Variants in AFF2 observed in about 807,000 individuals in gnomAD.
AFF2 encodes the protein ALF transcription elongation factor 2.
A neutral mutation model predicts 76.9 loss-of-function variants in AFF2; 14 were observed. The observed-to-expected ratio is 0.18, with a 90% CI of 0.12 to 0.28. The LOEUF (loss-of-function observed/expected upper bound fraction) is 0.28. Ranked by LOEUF, AFF2 falls within the 10% of genes least tolerant of loss-of-function variation. AFF2 has a pLI of 1.00. For synonymous variants in AFF2, 398 were observed against 366.7 expected, an observed-to-expected ratio of 1.09 and a Z score of -0.98; for missense variants, 868 against 1,001.1, an observed-to-expected ratio of 0.87 and a Z score of 1.79.
intron 4 of AFF2, among the ~76,000 whole-genome samples, chrX:148,833,078 G>T (rs782646155): frequency 9.0e-6 from 1 of 110,780 alleles, no homozygotes; most frequent in Admixed American, 9.7e-5. Flanking sequence ...CAAGTATAAT[G>T]ATAGCCTGTA....
At chrX:148,927,073 T>C (rs1201780923) in intron 9 of AFF2, among the ~76,000 whole-genome samples, 1 of 112,361 alleles carries the variant, frequency 8.9e-6, no homozygotes, top group Non-Finnish European at 1.9e-5. Context: ...GGTGCCACTC[T>C]GAGTAATGTT....
chrX:148,655,285 C>CTTTTTTTT lies in AFF2; in HGVS notation c.180+3162_180+3169dup, dbSNP rs781858368. ...CTTCCTGATGGGGAAAAACCTTGTC[C>CTTTTTTTT]TTTTTTTTTTTTTTTCTGAGATGGA... On this transcript the variant is annotated intron_variant, in intron 2 of 20. Coordinates refer to ENST00000370460, the MANE Select transcript of AFF2 (RefSeq NM_002025.4). Among the ~76,000 whole-genome samples the CTTTTTTTT allele has an allele frequency of 2.0e-5, 2 of 102,227 alleles. 1 individual carries two copies. The highest frequency in any genetic ancestry group is 3.9e-5 in the Non-Finnish European group (2 of 51,006). 88.8% of individuals were successfully genotyped at this position (102,227 alleles called of 115,157 possible).
chrX:148,843,688 C>T (rs1004363819), intron 7 of AFF2, among the ~76,000 whole-genome samples: 26 of 111,231 alleles, frequency 2.3e-4, no homozygotes, highest in African/African-American at 8.2e-4. Flanking sequence ...AGTTTTGGAG[C>T]CTGAGAAGTT....
intron 1 of AFF2, among the ~76,000 whole-genome samples, chrX:148,530,904 G>T (rs1019672182): frequency 7.2e-5 from 8 of 111,527 alleles, no homozygotes; most frequent in Non-Finnish European, 1.3e-4. Flanking sequence ...TGTTTGGGTG[G>T]CTCTGCCAGG....
chrX:148,843,665 A>G (rs59049917), intron 7 of AFF2, among the ~76,000 whole-genome samples: 6,292 of 111,411 alleles, frequency 0.056, 409 homozygotes, highest in African/African-American at 0.18. Context: ...AACAATAGAA[A>G]TTTACTTCCC....
chrX:148,594,255 G>A (rs2053549815), intron 1 of AFF2, among the ~76,000 whole-genome samples: 1 of 111,234 alleles, frequency 9.0e-6, no homozygotes, highest in Admixed American at 9.6e-5. Flanking sequence ...GGACTTACTC[G>A]GGTCTGGAAT....
intron 4 of AFF2, among the ~76,000 whole-genome samples, chrX:148,817,076 C>CA (rs2124646432): frequency 9.1e-6 from 1 of 110,171 alleles, no homozygotes; most frequent in African/African-American, 3.3e-5. Context: ...AAGACAAGAA[C>CA]AAAATCAGTG....
At chrX:148,814,561 A>G (rs1175791287) in intron 4 of AFF2, among the ~76,000 whole-genome samples, 2 of 111,693 alleles carry the variant, frequency 1.8e-5, no homozygotes, top group African/African-American at 6.5e-5. Context: ...TTTGCTAGCT[A>G]GGATTTAGGG....
rs186597474 is a variant in AFF2, at chrX:148,677,493, G to A, written c.1041+14725G>A. On this transcript the variant is annotated intron_variant, in intron 3 of 20. Transcript: ENST00000370460. ...CTCAGAGAGGTTTGATAGTACTTTA[G>A]AGAGCATGGGAAAATATGCTGAATA... 2.2e-4 allele frequency among the ~76,000 whole-genome samples: 25 copies of A among 112,233 alleles called. No individual in the cohort carries two copies. In the East Asian group the frequency reaches 6.7e-3, roughly 30 times the overall value.
At chrX:148,973,748 A>G in intron 16 of AFF2, 141 bp downstream of exon 16, 2 of 605,529 alleles carry the variant, frequency 3.3e-6, no homozygotes, top group Non-Finnish European at 4.7e-6. Context: ...AGTTCTTGCC[A>G]TTTTATTAAT....
intron 9 of AFF2, among the ~76,000 whole-genome samples, chrX:148,908,400 A>T (rs1557281676): frequency 8.9e-6 from 1 of 112,206 alleles, no homozygotes. Context: ...TGGGGAACAA[A>T]TAAATGTCCA....
Position 148,973,553 on chromosome X carries a change from C to T in AFF2, c.3350C>T (p.Pro1117Leu). The T allele has an allele frequency of 8.3e-7, 1 of 1,211,622 alleles. No homozygotes were observed. Among genetic ancestry groups the T allele is most frequent in the Non-Finnish European group, 1.1e-6 (1 of 895,229 alleles). Residue 1117 changes from proline to leucine, a missense_variant, in exon 16 of 21, where the codon CCT becomes CTT. Transcript: ENST00000370460. The part of the protein sequence containing the change: ...TECGNAMERD[P>L]LEAKSPYTMY... ...TGTGGCAATGCCATGGAACGCGACC[C>T]TCTGGAAGCAAAGTCCCCATACACC...
intron 9 of AFF2, among the ~76,000 whole-genome samples, chrX:148,905,973 G>A (rs2071403480): frequency 8.9e-6 from 1 of 112,527 alleles, no homozygotes; most frequent in South Asian, 3.7e-4. Flanking sequence ...AAGGATTATT[G>A]AGCTTTGTGC....
chrX:148,917,493 C>G (rs1042161090), intron 9 of AFF2, among the ~76,000 whole-genome samples: 5 of 112,633 alleles, frequency 4.4e-5, no homozygotes, highest in Non-Finnish European at 9.4e-5. Context: ...ATTGGACACA[C>G]AGCAGCCAGT....
At chrX:148,810,941 C>G (rs1197339609) in intron 4 of AFF2, among the ~76,000 whole-genome samples, 2 of 111,506 alleles carry the variant, frequency 1.8e-5, no homozygotes, top group East Asian at 5.6e-4. Flanking sequence ...TTGAAGCAAG[C>G]CCTGAGCAAA....
chrX:148,934,974 C>T (rs2071755799), intron 9 of AFF2, among the ~76,000 whole-genome samples: 2 of 111,119 alleles, frequency 1.8e-5, no homozygotes, highest in African/African-American at 3.3e-5. Context: ...TCTGAATATA[C>T]ATATATGGAT....
At chrX:148,855,240 A>G (rs1557275809) in intron 7 of AFF2, among the ~76,000 whole-genome samples, 2 of 110,990 alleles carry the variant, frequency 1.8e-5, no homozygotes, top group African/African-American at 6.6e-5. Flanking sequence ...CAGCGTGGGT[A>G]CTAAGGAGAC....
chrX:148,761,462 TTTTTG>T (rs1223932740), intron 3 of AFF2, among the ~76,000 whole-genome samples: 48 of 92,286 alleles, frequency 5.2e-4, no homozygotes, highest in African/African-American at 2.6e-3. Flanking sequence ...CCTCCAGTTT[TTTTTG>T]TTTTTTTTTT....
chrX:148,522,952 A>G (rs1400941251), intron 1 of AFF2, among the ~76,000 whole-genome samples: 1 of 112,353 alleles, frequency 8.9e-6, no homozygotes, highest in Non-Finnish European at 1.9e-5. Context: ...AGGCAAGGAA[A>G]TCATGCAAAT....
Sources: gnomAD v4.1 joint callset for allele counts (sites outside exome capture counted in the v4.1 genomes callset) on GRCh38, gnomAD v4.1.1 for gene constraint, MANE v1.5 for transcripts, NCBI Gene and HGNC (gene_info 2026-07-23, HGNC 2026-07-21) for gene names.